The following L3MBTL4 variants were observed in gnomAD, a reference collection of about 807,000 sequenced individuals.
L3MBTL4 encodes the protein lethal(3)malignant brain tumor-like protein 4.
A neutral mutation model predicts 84.5 loss-of-function variants in L3MBTL4; 70 were observed. The observed-to-expected ratio is 0.83, with a 90% CI of 0.68 to 1.01. The LOEUF is 1.01. Ranked by LOEUF, L3MBTL4 falls within the 50% of genes least tolerant of loss-of-function variation. The pLI, the probability that L3MBTL4 is intolerant of heterozygous loss-of-function variation, is 0.00. For synonymous variants in L3MBTL4, 274 were observed against 259.8 expected, an observed-to-expected ratio of 1.05 and a Z score of -0.52; for missense variants, 715 against 754.8, an observed-to-expected ratio of 0.95 and a Z score of 0.62.
At chr18:6,083,059 C>T (rs914743108) in intron 15 of L3MBTL4, among the ~76,000 whole-genome samples, 1 of 152,140 alleles carries the variant, frequency 6.6e-6, no homozygotes, top group South Asian at 2.1e-4. Flanking sequence ...CAAAGTGGGT[C>T]GATAATGGAG....
chr18:6,109,069 A>G (rs988221150), intron 14 of L3MBTL4, among the ~76,000 whole-genome samples: 5 of 152,162 alleles, frequency 3.3e-5, no homozygotes, highest in Non-Finnish European at 7.3e-5. Context: ...GCAGATGTGT[A>G]CTTTTAGAGG....
intron 1 of L3MBTL4, among the ~76,000 whole-genome samples, chr18:6,361,610 A>T (rs2144019464): frequency 6.6e-6 from 1 of 152,308 alleles, no homozygotes; most frequent in Non-Finnish European, 1.5e-5. Flanking sequence ...CCTCATGTGG[A>T]AATGGAGGAA....
chr18:6,119,349 T>C (rs572231563), intron 14 of L3MBTL4, among the ~76,000 whole-genome samples: 29 of 152,300 alleles, frequency 1.9e-4, no homozygotes, highest in Admixed American at 2.6e-4. Context: ...ACCTAAATGC[T>C]AGGCACAGTC....
At chr18:6,033,332 T>C (rs1243063161) in intron 16 of L3MBTL4, among the ~76,000 whole-genome samples, 1 of 152,192 alleles carries the variant, frequency 6.6e-6, no homozygotes, top group Non-Finnish European at 1.5e-5. Context: ...GCCTTTTCCA[T>C]CTTTTTATTT....
At chr18:6,142,057 A>G (rs1031459656) in intron 13 of L3MBTL4, among the ~76,000 whole-genome samples, 1 of 152,182 alleles carries the variant, frequency 6.6e-6, no homozygotes, top group Non-Finnish European at 1.5e-5. Context: ...ATAACTTCTT[A>G]TTATCTTTCA....
At chr18:6,016,520 T>C (rs750373159) in intron 16 of L3MBTL4, among the ~76,000 whole-genome samples, 3 of 152,200 alleles carry the variant, frequency 2.0e-5, no homozygotes, top group Non-Finnish European at 4.4e-5. Flanking sequence ...GACACCTTTG[T>C]GGCCCATGAA....
At chr18:5,988,143 T>C (rs1036099867) in intron 16 of L3MBTL4, among the ~76,000 whole-genome samples, 2 of 152,214 alleles carry the variant, frequency 1.3e-5, no homozygotes, top group African/African-American at 4.8e-5. Flanking sequence ...GACAACGTAG[T>C]CCATCAGCAA....
chr18:6,045,332 T>C (rs997074632), intron 16 of L3MBTL4, among the ~76,000 whole-genome samples: 1 of 152,212 alleles, frequency 6.6e-6, no homozygotes, highest in African/African-American at 2.4e-5. Context: ...TATAAGCAAC[T>C]GCTAAGGAAT....
At chr18:6,080,688 A>G (rs1415892390) in intron 16 of L3MBTL4, among the ~76,000 whole-genome samples, 193 bp downstream of exon 16, 1 of 152,296 alleles carries the variant, frequency 6.6e-6, no homozygotes, top group South Asian at 2.1e-4. Flanking sequence ...TAAAATGAGA[A>G]AATGAAGGTT....
At chr18:6,316,162 G>A (rs770195715) in intron 1 of L3MBTL4, among the ~76,000 whole-genome samples, 14 of 151,668 alleles carry the variant, frequency 9.2e-5, no homozygotes, top group Non-Finnish European at 1.9e-4. Context: ...CACCCCCATC[G>A]GAGCTAGTGC....
At chr18:6,323,665 CT>C (rs1406829301) in intron 1 of L3MBTL4, among the ~76,000 whole-genome samples, 2 of 152,092 alleles carry the variant, frequency 1.3e-5, no homozygotes, top group African/African-American at 4.8e-5. Context: ...ACAGCCTAGG[CT>C]CATATAACAG....
At chr18:6,209,445 C>CAAAAAAAAAAAAAAAAAAAAA (rs60613997) in intron 12 of L3MBTL4, among the ~76,000 whole-genome samples, 3 of 113,994 alleles carry the variant, frequency 2.6e-5, no homozygotes, top group African/African-American at 9.2e-5. Flanking sequence ...ACTAAACTGG[C>CAAAAAAAAAAAAAAAAAAAAA]AAAAAAAAAA....
intron 12 of L3MBTL4, among the ~76,000 whole-genome samples, chr18:6,211,688 G>A (rs990014180): frequency 3.4e-5 from 5 of 148,272 alleles, no homozygotes; most frequent in African/African-American, 1.0e-4. Context: ...CAGCTCTGTC[G>A]CCCAGGCTGG....
chr18:6,019,584 G>A (rs1475576562), intron 16 of L3MBTL4, among the ~76,000 whole-genome samples: 4 of 152,136 alleles, frequency 2.6e-5, no homozygotes, highest in African/African-American at 9.7e-5. Context: ...CATCTACTAG[G>A]TGCCAGGTTT....
At position 6,213,102 on chromosome 18, in the gene L3MBTL4, T is replaced by C. The variant is rs2046179107; in HGVS notation, c.981+47A>G. ...GGGAGGGTAGAGGAAACAAAAGTAA[T>C]GTAGGAAAAATATTGATATAATAAC... On this transcript the variant is annotated intron_variant, in intron 12 of 18. Transcript: ENST00000317931. The C allele has an allele frequency of 3.8e-6, 4 of 1,061,912 alleles. No individual in the cohort carries two copies. In the African/African-American group the frequency reaches 4.9e-5, roughly 13 times the overall value. 65.8% of individuals were successfully genotyped at this position (1,061,912 alleles called of 1,614,324 possible).
At chr18:6,032,317 C>T (rs1021219349) in intron 16 of L3MBTL4, 3 of 983,186 alleles carry the variant, frequency 3.1e-6, no homozygotes, top group African/African-American at 1.8e-5. Flanking sequence ...CAACAAGTTA[C>T]GTGCAAAAAA....
intron 14 of L3MBTL4, among the ~76,000 whole-genome samples, chr18:6,097,969 C>T (rs557866262): frequency 2.5e-4 from 38 of 152,304 alleles, no homozygotes; most frequent in African/African-American, 8.9e-4. Flanking sequence ...CTGCCAGGTG[C>T]TGTGCCCGCC....
At chr18:6,165,728 G>A (rs1224387854) in intron 13 of L3MBTL4, among the ~76,000 whole-genome samples, 2 of 152,146 alleles carry the variant, frequency 1.3e-5, no homozygotes, top group East Asian at 3.9e-4. Flanking sequence ...GCAAAAACAT[G>A]CCAAATTGTA....
intron 12 of L3MBTL4, among the ~76,000 whole-genome samples, chr18:6,205,166 G>A (rs11874579): frequency 6.0e-4 from 91 of 152,208 alleles, no homozygotes; most frequent in Admixed American, 3.6e-3. Flanking sequence ...CTACAGTGCT[G>A]AGAAGAGGAA....
Sources: allele counts gnomAD v4.1 joint callset (sites outside exome capture counted in the v4.1 genomes callset), GRCh38; gene constraint gnomAD v4.1.1; transcripts MANE v1.5; gene names NCBI Gene and HGNC (gene_info 2026-07-23, HGNC 2026-07-21).